The following RIF1 variants were observed in gnomAD, a reference collection of about 807,000 sequenced individuals.
The protein encoded by RIF1 is replication timing regulatory factor 1.
Under a neutral mutation model 247.1 loss-of-function variants are expected in RIF1, and 45 were observed. The ratio of observed to expected loss-of-function variants is 0.18; its 90% CI spans 0.14 to 0.23. The LOEUF (loss-of-function observed/expected upper bound fraction) is 0.23, where lower values mean the gene tolerates loss of function less well. Ranked by LOEUF, RIF1 falls within the 10% of genes least tolerant of loss-of-function variation. The pLI is 1.00. For missense variants in RIF1, 2,967 were observed against 2,862.5 expected (o/e 1.04, Z -0.83); for synonymous variants, 1,087 against 978.8 (o/e 1.11, Z -2.06).
At chr2:151,512,198 T>G (rs1218826992), downstream of RIF1, among the ~76,000 whole-genome samples, 5 of 151,754 alleles carry the variant, frequency 3.3e-5, no homozygotes, top group African/African-American at 7.3e-5. Context: ...GCCCGGCTAA[T>G]TTTTGTGTAT....
chr2:151,523,022 C>G, the RIF1 span, among the ~76,000 whole-genome samples: 1 of 152,142 alleles, frequency 6.6e-6, no homozygotes, highest in Non-Finnish European at 1.5e-5. Context: ...AAATAGGAGC[C>G]TCTTGATTTT....
intron 19 of RIF1, among the ~76,000 whole-genome samples, chr2:151,445,808 G>A (rs984603727): frequency 6.6e-5 from 10 of 152,118 alleles, no homozygotes; most frequent in African/African-American, 2.4e-4. Context: ...CAAAGTGCTG[G>A]GATTACAGGC....
rs1233465585 is a variant in RIF1 at position 151,436,831 on chromosome 2, T to C, written c.1200T>C (p.Ala400=). Reference sequence around the variant, plus strand: ...CTTTTTTTTTTTTTCTTAAAGGTGCTTCCTCCCCGTACGGAGCCCCGGGAA... The same window carrying C: ...CTTTTTTTTTTTTTCTTAAAGGTGCCTCCTCCCCGTACGGAGCCCCGGGAA... ...LNPMTPVHKG[A]SSPYGAPGTP... Residue 400 remains alanine (A), a synonymous_variant, in exon 12 of 36, where the codon GCT becomes GCC. Transcript: ENST00000444746. 3 of 1,570,924 alleles carry C rather than the reference T, an allele frequency of 1.9e-6. No individual in the cohort carries two copies. Among genetic ancestry groups the C allele is most frequent in the African/African-American group, 2.8e-5 (2 of 72,466 alleles).
Position 151,446,572 on chromosome 2 carries a change from T to C in RIF1, c.2241T>C (p.Phe747=), listed in dbSNP as rs1693305442. 1.7e-5 allele frequency: 28 copies of C among 1,612,104 alleles called. No homozygotes were observed. The highest frequency in any genetic ancestry group is 3.3e-4 in the Middle Eastern group (2 of 6,060). ...TGTCCAGTTTGGAAGATGAAGGCTT[T>C]TCTGTGAGTTTGTCCTGATGCTACC... ...KIMSSLEDEG[F]SNLLFVDRII... Residue 747 remains phenylalanine, a synonymous_variant, in exon 20 of 36, where the codon TTT becomes TTC. Transcript: ENST00000444746.
At chr2:151,444,689 C>T (rs1286818071) in intron 18 of RIF1, among the ~76,000 whole-genome samples, 1 of 152,168 alleles carries the variant, frequency 6.6e-6, no homozygotes, top group Non-Finnish European at 1.5e-5. Context: ...TCTTAAATAG[C>T]TCCCCACTGT....
chr2:151,511,080 G>A (rs918217763), downstream of RIF1, among the ~76,000 whole-genome samples: 2 of 152,214 alleles, frequency 1.3e-5, no homozygotes, highest in African/African-American at 2.4e-5. Flanking sequence ...AGCAAGTGAC[G>A]TGATCCCACA....
Position 151,493,343 on chromosome 2 carries a change from T to C in RIF1, c.*416-1886T>C, listed in dbSNP as rs761427890. On this transcript the variant is annotated intron_variant and NMD_transcript_variant, in intron 9 of 13. Coordinates refer to the RIF1 transcript ENST00000454583. Reference sequence around the variant, plus strand: ...TTGTTGCACTATTTCTTTTTAGTCCTAGAAAATACCGAGCTAATGTTTTCT... The same window carrying C: ...TTGTTGCACTATTTCTTTTTAGTCCCAGAAAATACCGAGCTAATGTTTTCT... 3 of 1,593,824 alleles carry C rather than the reference T, an allele frequency of 1.9e-6. No individual in the cohort carries two copies. Among genetic ancestry groups the C allele is most frequent in the East Asian group, 4.5e-5 (2 of 44,734 alleles).
intron 9 of RIF1, chr2:151,491,523 A>G: frequency 1.7e-6 from 1 of 595,880 alleles, no homozygotes; most frequent in Non-Finnish European, 2.9e-6. Flanking sequence ...CTAGAAAGTA[A>G]GTTTTGCTCA....
intron 2 of RIF1, among the ~76,000 whole-genome samples, chr2:151,410,969 T>G (rs144054799): frequency 1.6e-4 from 25 of 152,322 alleles, no homozygotes; most frequent in Admixed American, 4.6e-4. Flanking sequence ...TTGGAAAGGC[T>G]TAGCAAATCG....
chr2:151,439,017 G>A (rs1463885131), intron 14 of RIF1, among the ~76,000 whole-genome samples: 1 of 152,142 alleles, frequency 6.6e-6, no homozygotes, highest in Non-Finnish European at 1.5e-5. Context: ...TGGAAGCCTT[G>A]CTGATAACAT....
the RIF1 span, chr2:151,519,166 T>C: frequency 1.4e-5 from 11 of 806,442 alleles, no homozygotes; most frequent in African/African-American, 1.2e-4. Context: ...AAACAAATGC[T>C]GGAGATGGTG....
intron 22 of RIF1, among the ~76,000 whole-genome samples, chr2:151,455,589 T>G (rs1260503983): frequency 6.6e-6 from 1 of 152,206 alleles, no homozygotes; most frequent in Non-Finnish European, 1.5e-5. Context: ...ATAAAATGAA[T>G]GCAAATAAAT....
rs1300960334 is a variant in RIF1, at chr2:151,415,719, C to A, written c.280+800C>A. On this transcript the variant is annotated intron_variant, in intron 4 of 35. Coordinates refer to ENST00000444746, the MANE Select transcript of RIF1 (RefSeq NM_018151.5). The stretch of plus-strand genomic sequence containing the variant: ...AGAAACCCCGTCTCTACTAAAAATA[C>A]AAAAAAAATTAGCTGGGTGTGGTGG... 2.0e-5 allele frequency among the ~76,000 whole-genome samples: 3 copies of A among 150,980 alleles called. No individual in the cohort carries two copies. In the East Asian group the frequency reaches 5.8e-4, roughly 29 times the overall value.
At chr2:151,505,986 G>C in intron 12 of RIF1, 1 of 624,332 alleles carries the variant, frequency 1.6e-6, no homozygotes, top group Non-Finnish European at 2.9e-6. Flanking sequence ...CATGAAAACC[G>C]CCAAGGCACT....
At chr2:151,439,431 G>A (rs1055686661) in intron 14 of RIF1, among the ~76,000 whole-genome samples, 1 of 152,132 alleles carries the variant, frequency 6.6e-6, no homozygotes, top group Admixed American at 6.6e-5. Context: ...TTGGGAGGCC[G>A]AGGCGGGCGG....
chr2:151,499,724 A>T (rs183380462), intron 11 of RIF1, among the ~76,000 whole-genome samples: 43 of 152,342 alleles, frequency 2.8e-4, no homozygotes, highest in African/African-American at 8.4e-4. Context: ...TAGATTAGCA[A>T]GTATTTATTT....
rs370825760 is a variant in RIF1 at position 151,506,220 on chromosome 2, G to A, written c.*872G>A. The A allele has an allele frequency of 1.4e-5, 22 of 1,613,502 alleles. No homozygotes were observed. The East Asian group carries it at 2.2e-4, about 16-fold the overall frequency. ...CTCTCATCATCTCAGGTGTCTTTCC[G>A]ATAGCCGTTCCTGGTGAGACATCCT... On this transcript the variant is annotated 3_prime_UTR_variant and NMD_transcript_variant, in exon 13 of 14. Transcript: ENST00000454583.
the RIF1 span, among the ~76,000 whole-genome samples, chr2:151,528,382 T>C: frequency 2.6e-5 from 4 of 152,250 alleles, no homozygotes; most frequent in African/African-American, 9.6e-5. Context: ...ATAAGGTTTT[T>C]TTCCCCTCAT....
the RIF1 span, among the ~76,000 whole-genome samples, chr2:151,515,105 C>A: frequency 1.3e-5 from 2 of 152,122 alleles, no homozygotes; most frequent in Non-Finnish European, 2.9e-5. Context: ...TTGTCTGGAG[C>A]AAATGGCCAC....
Sources: gnomAD v4.1 joint callset for allele counts (sites outside exome capture counted in the v4.1 genomes callset) on GRCh38, gnomAD v4.1.1 for gene constraint, MANE v1.5 for transcripts, NCBI Gene and HGNC (gene_info 2026-07-23, HGNC 2026-07-21) for gene names.